PTPRG: variants seen among roughly 807,000 people sequenced by gnomAD.
The protein encoded by PTPRG is receptor-type tyrosine-protein phosphatase gamma.
Under a neutral mutation model 165.3 loss-of-function variants are expected in PTPRG, and 102 were observed. The ratio of observed to expected loss-of-function variants is 0.62; its 90% CI spans 0.53 to 0.73. The LOEUF (loss-of-function observed/expected upper bound fraction) is 0.73. Among genes scored for constraint, PTPRG ranks in the 30% least tolerant of loss-of-function variants. The probability of loss-of-function intolerance (pLI) is 0.00; values close to 1 mark genes in which losing one functional copy is unlikely to be tolerated. For synonymous variants in PTPRG, 675 were observed against 669.5 expected (o/e 1.01, Z -0.13); for missense variants, 1,866 against 1,861.4 (o/e 1.00, Z -0.05).
chr3:61,852,258 C>G (rs759969317), intron 2 of PTPRG, among the ~76,000 whole-genome samples: 21 of 152,112 alleles, frequency 1.4e-4, no homozygotes, highest in Admixed American at 4.6e-4. Flanking sequence ...GCTGTGCTTT[C>G]CAAGAAGGAT....
intron 1 of PTPRG, among the ~76,000 whole-genome samples, chr3:61,599,996 C>CA (rs943088164): frequency 2.0e-5 from 3 of 151,204 alleles, no homozygotes; most frequent in Admixed American, 6.6e-5. Flanking sequence ...CCATCTCTAC[C>CA]AAAAAATACA....
intron 2 of PTPRG, among the ~76,000 whole-genome samples, chr3:61,940,057 C>T (rs553836865): frequency 1.3e-5 from 2 of 149,448 alleles, no homozygotes; most frequent in South Asian, 4.3e-4. Context: ...AGCAATTCTC[C>T]TGCCTCAGCC....
At chr3:61,923,176 A>G (rs150872451) in intron 2 of PTPRG, among the ~76,000 whole-genome samples, 2 of 152,172 alleles carry the variant, frequency 1.3e-5, no homozygotes, top group African/African-American at 4.8e-5. Flanking sequence ...TGACTTTTCC[A>G]TAATTTGAGC....
chr3:61,954,548 C>T (rs537720605), intron 2 of PTPRG, among the ~76,000 whole-genome samples: 7 of 152,112 alleles, frequency 4.6e-5, no homozygotes, highest in South Asian at 2.1e-4. Context: ...TTCAGAGATT[C>T]GTGGGGAGAC....
intron 7 of PTPRG, among the ~76,000 whole-genome samples, chr3:62,166,038 A>G (rs1012640353): frequency 1.3e-5 from 2 of 152,066 alleles, no homozygotes; most frequent in African/African-American, 4.8e-5. Flanking sequence ...CACAGAGAGC[A>G]TCTTTCTAGC....
chr3:61,644,341 G>A (rs993116079), intron 1 of PTPRG, among the ~76,000 whole-genome samples: 11 of 152,212 alleles, frequency 7.2e-5, no homozygotes, highest in African/African-American at 2.4e-4. Context: ...TGCATGTACC[G>A]TTTTCCAAAG....
chr3:61,864,522 G>A (rs1462055700), intron 2 of PTPRG, among the ~76,000 whole-genome samples: 3 of 152,124 alleles, frequency 2.0e-5, no homozygotes, highest in Non-Finnish European at 4.4e-5. Flanking sequence ...AAATCCCAGG[G>A]GGATTAGGAA....
At chr3:61,888,755 C>T (rs931857134) in intron 2 of PTPRG, among the ~76,000 whole-genome samples, 2 of 152,240 alleles carry the variant, frequency 1.3e-5, no homozygotes, top group East Asian at 3.9e-4. Context: ...CTCTTTGTTC[C>T]TATTATAGGA....
chr3:61,993,420 T>G (rs1415278541), intron 3 of PTPRG, among the ~76,000 whole-genome samples: 6 of 152,038 alleles, frequency 3.9e-5, no homozygotes, highest in Admixed American at 1.3e-4. Context: ...GGTTGCTCCA[T>G]GTTGGTCAGG....
chr3:61,618,227 G>T (rs11130849), intron 1 of PTPRG, among the ~76,000 whole-genome samples: 39,490 of 152,122 alleles, frequency 0.26, 5,189 homozygotes, highest in Admixed American at 0.3. Flanking sequence ...CTGGCAAATT[G>T]TCTTAACATA....
At chr3:62,069,711 C>T (rs1430110670) in intron 4 of PTPRG, among the ~76,000 whole-genome samples, 1 of 151,614 alleles carries the variant, frequency 6.6e-6, no homozygotes, top group Non-Finnish European at 1.5e-5. Flanking sequence ...CACACACACA[C>T]ACACATGCAC....
chr3:62,206,921 A>T (rs1700246447), intron 12 of PTPRG, among the ~76,000 whole-genome samples: 1 of 131,802 alleles, frequency 7.6e-6, no homozygotes, highest in South Asian at 2.1e-4. Context: ...TCAAAAAAAA[A>T]AAAAAAAAAA....
At chr3:61,812,075 G>A (rs2035596802) in intron 2 of PTPRG, among the ~76,000 whole-genome samples, 1 of 152,186 alleles carries the variant, frequency 6.6e-6, no homozygotes, top group Non-Finnish European at 1.5e-5. Context: ...TAGTTTTTCA[G>A]GAGGTAGAAC....
chr3:61,671,763 G>GGC (rs200724779), intron 1 of PTPRG, among the ~76,000 whole-genome samples: 3 of 119,034 alleles, frequency 2.5e-5, no homozygotes, highest in African/African-American at 1.0e-4. Flanking sequence ...CTGGCCGGGC[G>GGC]GGGGGCTGAC....
chr3:62,167,297 C>A (rs1457086968), intron 7 of PTPRG, among the ~76,000 whole-genome samples: 3 of 152,164 alleles, frequency 2.0e-5, no homozygotes, highest in African/African-American at 7.2e-5. Flanking sequence ...GTTTGACTTG[C>A]AAGTCACACA....
At chr3:62,115,900 C>T (rs1269689711) in intron 5 of PTPRG, among the ~76,000 whole-genome samples, 2 of 152,126 alleles carry the variant, frequency 1.3e-5, no homozygotes, top group African/African-American at 4.8e-5. Context: ...AATAAGTTTC[C>T]TATGATGTTT....
At chr3:61,580,888 C>T (rs1034224229) in intron 1 of PTPRG, among the ~76,000 whole-genome samples, 1 of 152,200 alleles carries the variant, frequency 6.6e-6, no homozygotes, top group Non-Finnish European at 1.5e-5. Context: ...TAGCAAGGTA[C>T]TGTGTGATTT....
intron 23 of PTPRG, 137 bp from the exon 24 acceptor site, chr3:62,275,736 C>T (rs1458925438): frequency 1.6e-6 from 1 of 622,898 alleles, no homozygotes; most frequent in Non-Finnish European, 2.7e-6. Flanking sequence ...GAGCAAGACC[C>T]TGTGTCTTAA....
chr3:62,068,052 G>A (rs987340987), intron 4 of PTPRG, among the ~76,000 whole-genome samples: 1 of 152,136 alleles, frequency 6.6e-6, no homozygotes. Flanking sequence ...GGCTCTACAA[G>A]CAAATGCCTA....
Sources: allele counts gnomAD v4.1 joint callset (sites outside exome capture counted in the v4.1 genomes callset), GRCh38; gene constraint gnomAD v4.1.1; transcripts MANE v1.5; gene names NCBI Gene and HGNC (gene_info 2026-07-23, HGNC 2026-07-21).